Variants in DSCAM observed in about 807,000 individuals in gnomAD.
The protein encoded by DSCAM is DS cell adhesion molecule.
A neutral mutation model predicts 217.7 loss-of-function variants in DSCAM; 47 were observed. That is an observed-to-expected ratio of 0.22 (90% CI 0.17 to 0.28). The LOEUF (loss-of-function observed/expected upper bound fraction) is 0.28. DSCAM is among the 10% of genes least tolerant of loss of function. The probability of loss-of-function intolerance (pLI) is 1.00; values close to 1 mark genes in which losing one functional copy is unlikely to be tolerated. For missense variants in DSCAM, 2,080 were observed against 2,618.3 expected (o/e 0.79, Z 4.49); for synonymous variants, 1,056 against 1,015.3 (o/e 1.04, Z -0.76).
intron 3 of DSCAM, among the ~76,000 whole-genome samples, chr21:40,563,460 A>AAT (rs964966810): frequency 9.5e-5 from 14 of 147,182 alleles, no homozygotes; most frequent in Admixed American, 2.0e-4. Context: ...TATATTTTGA[A>AAT]ATATATATAT....
chr21:40,210,874 T>G (rs748822824), intron 11 of DSCAM, among the ~76,000 whole-genome samples: 1 of 152,216 alleles, frequency 6.6e-6, no homozygotes, highest in Non-Finnish European at 1.5e-5. Flanking sequence ...CACATTCATT[T>G]GTGTGTATGT....
intron 2 of DSCAM, among the ~76,000 whole-genome samples, chr21:40,704,384 T>C (rs2090689698): frequency 6.6e-6 from 1 of 152,208 alleles, no homozygotes; most frequent in South Asian, 2.1e-4. Flanking sequence ...TATCGCTGAC[T>C]AATACTTCAT....
At chr21:40,079,794 G>C (rs775470234) in intron 25 of DSCAM, among the ~76,000 whole-genome samples, 1 of 133,522 alleles carries the variant, frequency 7.5e-6, no homozygotes, top group Non-Finnish European at 1.7e-5. Flanking sequence ...ATGTGGAAAT[G>C]ATAGGAAGGT....
chr21:40,789,163 G>C (rs2091617903), intron 1 of DSCAM, among the ~76,000 whole-genome samples: 1 of 151,696 alleles, frequency 6.6e-6, no homozygotes. Context: ...CGATAGAGCA[G>C]AGTTTGATAA....
chr21:40,474,618 T>C (rs1315283735), intron 3 of DSCAM, among the ~76,000 whole-genome samples: 3 of 152,030 alleles, frequency 2.0e-5, no homozygotes, highest in Non-Finnish European at 2.9e-5. Context: ...GTTTGAAAAA[T>C]GCCGCTTCCA....
At chr21:40,404,981 A>G (rs567943965) in intron 3 of DSCAM, among the ~76,000 whole-genome samples, 15 of 152,238 alleles carry the variant, frequency 9.9e-5, no homozygotes, top group Admixed American at 1.3e-4. Flanking sequence ...AAGGCTTTTA[A>G]TTTGCTTCAG....
chr21:40,231,090 T>G (rs895074687), intron 11 of DSCAM, among the ~76,000 whole-genome samples: 1 of 149,564 alleles, frequency 6.7e-6, no homozygotes, highest in Admixed American at 6.7e-5. Context: ...TTCTTGCAGG[T>G]GAGACAAAAT....
At position 40,174,071 on chromosome 21, in the gene DSCAM, G is replaced by A. The variant is rs112464395; in HGVS notation, c.2947+4856C>T. Among the ~76,000 whole-genome samples the A allele has an allele frequency of 4.0e-3, 605 of 152,268 alleles. 7 individuals carry two copies. Among genetic ancestry groups the A allele is most frequent in the African/African-American group, 0.014 (565 of 41,558 alleles). ...TGTGAATGTCATGTGTCACGTGGCT[G>A]ATCCGTGTCAAAGAGACACACTTCG... On this transcript the variant is annotated intron_variant, in intron 15 of 32. Transcript: ENST00000400454.
In DSCAM at chr21:40,013,131, T is replaced by C; in HGVS notation, c.5942A>G (p.Gln1981Arg). The C allele has an allele frequency of 6.2e-7, 1 of 1,611,006 alleles. No individual in the cohort carries two copies. The highest frequency in any genetic ancestry group is 1.1e-5 in the South Asian group (1 of 90,446). ...LPQREGAELG[Q>R]AAKMSSSQES... Reference sequence around the variant, plus strand: ...TTGGGAGCTGCTCATTTTAGCTGCCTGTCCCAGCTCTGCTCCCTCCCGCTG... The same window carrying C: ...TTGGGAGCTGCTCATTTTAGCTGCCCGTCCCAGCTCTGCTCCCTCCCGCTG... The change falls in exon 33 of 33, where the codon CAG becomes CGG. Residue 1981 changes from glutamine (Q) to arginine (R), a missense_variant. Coordinates refer to ENST00000400454, the MANE Select transcript of DSCAM (RefSeq NM_001389.5).
chr21:40,645,369 G>C (rs980973814), intron 3 of DSCAM, among the ~76,000 whole-genome samples: 1 of 152,102 alleles, frequency 6.6e-6, no homozygotes, highest in Non-Finnish European at 1.5e-5. Flanking sequence ...CATGAACCAA[G>C]AGTAAAAATG....
intron 1 of DSCAM, among the ~76,000 whole-genome samples, chr21:40,713,444 T>A (rs1191291280): frequency 6.6e-6 from 1 of 152,194 alleles, no homozygotes; most frequent in African/African-American, 2.4e-5. Context: ...ACCAAGAAGG[T>A]TAACCCCTAA....
intron 14 of DSCAM, among the ~76,000 whole-genome samples, chr21:40,184,159 C>A (rs1293784990): frequency 6.6e-6 from 1 of 152,182 alleles, no homozygotes; most frequent in Non-Finnish European, 1.5e-5. Context: ...GACATTTAGG[C>A]TGTTATTAAT....
At chr21:40,066,075 C>G (rs1336008861) in intron 27 of DSCAM, among the ~76,000 whole-genome samples, 1 of 152,258 alleles carries the variant, frequency 6.6e-6, no homozygotes, top group East Asian at 1.9e-4. Context: ...TCCGTGTACC[C>G]TCCCATGCCC....
chr21:40,753,841 C>G lies in DSCAM; in HGVS notation c.44-45070G>C, dbSNP rs536806810. Among the ~76,000 whole-genome samples the G allele has an allele frequency of 1.1e-3, 167 of 152,302 alleles. 2 individuals carry two copies. Among genetic ancestry groups the G allele is most frequent in the South Asian group, 5.2e-3 (25 of 4,824 alleles). On this transcript the variant is annotated intron_variant, in intron 1 of 32. Coordinates refer to ENST00000400454, the MANE Select transcript of DSCAM (RefSeq NM_001389.5). ...TTATAGAACGAATGAAGACAAAAAT[C>G]TGAACCGCACCTGAAGTGGAGCTGG...
intron 24 of DSCAM, among the ~76,000 whole-genome samples, chr21:40,082,699 GAA>G (rs35477822): frequency 0.19 from 25,536 of 137,944 alleles, 2,207 homozygotes; most frequent in East Asian, 0.29. Context: ...TTTCCTAAAA[GAA>G]AAAAAAAAAA....
intron 11 of DSCAM, among the ~76,000 whole-genome samples, chr21:40,243,705 C>T (rs534211674): frequency 6.6e-6 from 1 of 152,150 alleles, no homozygotes; most frequent in Non-Finnish European, 1.5e-5. Flanking sequence ...CACTGTATTC[C>T]ATGACTTCAG....
chr21:40,406,521 C>T (rs1042491790), intron 3 of DSCAM, among the ~76,000 whole-genome samples: 3 of 152,188 alleles, frequency 2.0e-5, no homozygotes, highest in Admixed American at 6.5e-5. Context: ...AAGGACATTA[C>T]GCTAAGTGAA....
intron 3 of DSCAM, among the ~76,000 whole-genome samples, chr21:40,685,970 T>C (rs112604780): frequency 2.0e-5 from 3 of 152,076 alleles, no homozygotes; most frequent in South Asian, 2.1e-4. Flanking sequence ...CAGAGAGAGA[T>C]AGAAACGCCT....
intron 3 of DSCAM, among the ~76,000 whole-genome samples, chr21:40,637,166 A>T (rs111871689): frequency 1.7e-3 from 47 of 28,316 alleles, no homozygotes; most frequent in Non-Finnish European, 2.0e-3. Context: ...TATAAATATA[A>T]ATATATATAT....
Sources: gnomAD v4.1 joint callset for allele counts (sites outside exome capture counted in the v4.1 genomes callset) on GRCh38, gnomAD v4.1.1 for gene constraint, MANE v1.5 for transcripts, NCBI Gene and HGNC (gene_info 2026-07-23, HGNC 2026-07-21) for gene names.